The following KIF5A variants were observed in gnomAD, a reference collection of about 807,000 sequenced individuals.
KIF5A encodes kinesin family member 5A.
KIF5A carries 35 observed loss-of-function variants against 141.3 expected under a neutral mutation model. The observed-to-expected ratio is 0.25, with a 90% CI of 0.19 to 0.33. The LOEUF (loss-of-function observed/expected upper bound fraction) is 0.33. Among genes scored for constraint, KIF5A ranks in the 10% least tolerant of loss-of-function variants. KIF5A has a pLI of 1.00. For missense variants in KIF5A, 861 were observed against 1,314.3 expected (o/e 0.66, Z 5.33); for synonymous variants, 448 against 500.2 (o/e 0.90, Z 1.39).
In KIF5A at chr12:57,576,108, T is replaced by C. The variant is rs1882415681; in HGVS notation, c.2045T>C (p.Leu682Pro). 1 of 1,614,164 alleles carries C rather than the reference T, an allele frequency of 6.2e-7. No individual in the cohort carries two copies. The highest frequency in any genetic ancestry group is 8.5e-7 in the Non-Finnish European group (1 of 1,180,016). Reference protein sequence around the residue: ...QAQETVHEVALKDKEPDTQDA... With the variant: ...QAQETVHEVAPKDKEPDTQDA... ...TTAGAAACTGTGCATGAAGTGGCCC[T>C]GAAGGACAAGGAGCCTGACACTCAG... The change falls in exon 18 of 29, where the codon CTG becomes CCG. Residue 682 changes from leucine to proline, a missense_variant. This residue lies in a region of KIF5A where 482 missense variants were observed against 661.3 expected (regional missense o/e 0.73). Transcript: ENST00000455537.
Position 57,572,589 on chromosome 12 carries a change from C to T in KIF5A, c.1579C>T (p.Leu527=). 1 of 1,614,248 alleles carries T rather than the reference C, an allele frequency of 6.2e-7. No homozygotes were observed. The highest frequency in any genetic ancestry group is 1.1e-5 in the South Asian group (1 of 91,088). Residue 527 remains leucine (L), a synonymous_variant, in exon 15 of 29, where the codon CTG becomes TTG. Transcript: ENST00000455537. This position sits in a 1 kb window ranked among gnomAD's most constrained non-coding sequence, Gnocchi z 4.2. ...GAGGGGCTGTCCCCAGGCCACCATG[C>T]TGTCCCTGGAGTCTGAGTTGCAGCG... is the stretch of plus-strand genomic sequence containing the variant. ...DELSQKVATM[L]SLESELQRLQ... is the part of the protein sequence containing the mutation.
intron 26 of KIF5A, among the ~76,000 whole-genome samples, chr12:57,582,280 AG>A (rs767406448): frequency 6.6e-6 from 1 of 152,128 alleles, no homozygotes; most frequent in Non-Finnish European, 1.5e-5. Context: ...ACACATATGA[AG>A]AAAAAAGTGA....
Position 57,569,421 on chromosome 12 carries a change from C to T in KIF5A, c.968+17C>T. The T allele has an allele frequency of 6.2e-7, 1 of 1,613,918 alleles. No homozygotes were observed. Among genetic ancestry groups the T allele is most frequent in the Non-Finnish European group, 8.5e-7 (1 of 1,179,970 alleles). ...TGGGCAGCGGTCAGTGGCAGGGTCC[C>T]CAGAGGGATCCCTGGTACCCAGCTT... On this transcript the variant is annotated intron_variant, in intron 10 of 28. Coordinates refer to ENST00000455537, the MANE Select transcript of KIF5A (RefSeq NM_004984.4).
rs370644634 is a variant in KIF5A, at chr12:57,575,666, G to A, written c.1932G>A (p.Thr644=). ...SQHEAKIRSL[T]EYMQSVELKK... ...ATGAGGCCAAGATCCGCTCGCTTAC[G>A]GAATACATGCAGAGCGTGGAGCTAA... The change falls in exon 17 of 29, where the codon ACG becomes ACA. Residue 644 remains threonine, a synonymous_variant. Transcript: ENST00000455537. 63 of 1,614,010 alleles carry A rather than the reference G, an allele frequency of 3.9e-5. 1 individual carries two copies. Among genetic ancestry groups the A allele is most frequent in the East Asian group, 2.9e-4 (13 of 44,894 alleles).
At position 57,550,749 on chromosome 12, in the gene KIF5A, C is replaced by A. The variant is rs527519747; in HGVS notation, c.129+349C>A. Among the ~76,000 whole-genome samples, 10 of 152,334 alleles carry A rather than the reference C, an allele frequency of 6.6e-5. No homozygotes were observed. The East Asian group carries it at 1.9e-3, about 29-fold the overall frequency. On this transcript the variant is annotated intron_variant, in intron 1 of 28. Transcript: ENST00000455537. The surrounding 1 kb of genome is among the most constrained non-coding windows in gnomAD (Gnocchi z 4.6). ...CGCTCCCCAAGAGAAAGCGCATCTT[C>A]CCTTTGTTATTGGCTCAGATCTCTA...
In KIF5A at chr12:57,584,630, C is replaced by T. The variant is rs1293182616; in HGVS notation, c.*449C>T. 8 of 152,576 alleles carry T rather than the reference C, an allele frequency of 5.2e-5. No homozygotes were observed. The East Asian group carries it at 9.6e-4, about 18-fold the overall frequency. 9.5% of individuals were successfully genotyped at this position (152,576 alleles called of 1,614,324 possible). On this transcript the variant is annotated 3_prime_UTR_variant, in exon 29 of 29. Transcript: ENST00000455537. ...ACGCACGCACACAAACATGCACACA[C>T]GCATGCACACACACAAAGCCTTAAG...
At chr12:57,582,151 G>T (rs566898131) in intron 26 of KIF5A, among the ~76,000 whole-genome samples, 199 bp downstream of exon 26, 2 of 152,176 alleles carry the variant, frequency 1.3e-5, no homozygotes, top group African/African-American at 2.4e-5. Context: ...GGTTGAGATA[G>T]GAGGATTGCT....
At chr12:57,575,578 G>T in intron 16 of KIF5A, 62 bp from the exon 17 acceptor site, 1 of 1,350,270 alleles carries the variant, frequency 7.4e-7, no homozygotes, top group Non-Finnish European at 1.1e-6. Context: ...TTGGAGATCT[G>T]TGTGGCCTGG....
At chr12:57,576,887 A>G (rs767192457) in intron 20 of KIF5A, 25 bp downstream of exon 20, 1 of 1,550,886 alleles carries the variant, frequency 6.4e-7, no homozygotes, top group South Asian at 1.1e-5. Flanking sequence ...TTTACCTGTA[A>G]AACTACAGCC....
At chr12:57,583,310 T>TTA (rs1882663769) in intron 28 of KIF5A, 95 bp downstream of exon 28, 1 of 727,368 alleles carries the variant, frequency 1.4e-6, no homozygotes, top group Non-Finnish European at 2.4e-6. Flanking sequence ...TTTTTTTTTT[T>TTA]ATCACCTCAA....
At position 57,569,619 on chromosome 12, in the gene KIF5A, G is replaced by C; in HGVS notation, c.1053G>C (p.Glu351Asp). Reference protein sequence around the residue: ...QWKKKYEKEKEKTKAQKETIA... With the variant: ...QWKKKYEKEKDKTKAQKETIA... Reference sequence around the variant, plus strand: ...AGAAGAAATATGAGAAGGAGAAGGAGAAGACAAAGGCCCAGAAGGAGACGA... The same window carrying C: ...AGAAGAAATATGAGAAGGAGAAGGACAAGACAAAGGCCCAGAAGGAGACGA... The change falls in exon 11 of 29, where the codon GAG (glutamate) becomes GAC (aspartate). Residue 351 changes from glutamate to aspartate, a missense_variant. Physicochemically the swap from Glu to Asp is conservative, Grantham distance 45. Coordinates refer to ENST00000455537, the MANE Select transcript of KIF5A (RefSeq NM_004984.4). The C allele has an allele frequency of 6.2e-7, 1 of 1,614,160 alleles. No homozygotes were observed. Among genetic ancestry groups the C allele is most frequent in the African/African-American group, 1.3e-5 (1 of 75,072 alleles).
Position 57,569,472 on chromosome 12 carries a change from C to T in KIF5A, c.969-63C>T. 1.3e-5 allele frequency: 21 copies of T among 1,613,410 alleles called. No homozygotes were observed. The South Asian group carries it at 2.3e-4, about 18-fold the overall frequency. On this transcript the variant is annotated intron_variant, in intron 10 of 28. Transcript: ENST00000455537. ...CCCATCCCAGCCTCTGCGGCTCTCT[C>T]TCCTCAGGGTCACCCAAGTCTCATG...
At position 57,572,321 on chromosome 12, in the gene KIF5A, G is replaced by A. The variant is rs1368363242; in HGVS notation, c.1569+54G>A. On this transcript the variant is annotated intron_variant, in intron 14 of 28. Coordinates refer to ENST00000455537, the MANE Select transcript of KIF5A (RefSeq NM_004984.4). The surrounding 1 kb of genome is among the most constrained non-coding windows in gnomAD (Gnocchi z 4.2). The stretch of plus-strand genomic sequence containing the variant: ...TCCCTGACCACAGAACATCTCCCAT[G>A]TCGAGGGGACCTCTGCATCCTTCCA... The A allele has an allele frequency of 3.3e-6, 5 of 1,526,666 alleles. No individual in the cohort carries two copies. The East Asian group carries it at 7.3e-5, about 22-fold the overall frequency. The allele number at this position is 1,526,666 out of a possible 1,614,324, so 94.6% of individuals were successfully genotyped here.
chr12:57,566,471 C>G (rs1035378278), intron 6 of KIF5A, among the ~76,000 whole-genome samples: 3 of 151,088 alleles, frequency 2.0e-5, no homozygotes, highest in African/African-American at 7.3e-5. Flanking sequence ...TACAGTGGCG[C>G]CCGATCTTGG....
rs1882694279 is a variant in KIF5A, at chr12:57,584,327, TCTTA to T, written c.*153_*156del. On this transcript the variant is annotated 3_prime_UTR_variant, in exon 29 of 29. Coordinates refer to ENST00000455537, the MANE Select transcript of KIF5A (RefSeq NM_004984.4). ...GGACTGTACTATGTTTGATGTCTTC[TCTTA>T]CTTACTCTGTATCTCTTTGTACTCT... 2 of 152,670 alleles carry T rather than the reference TCTTA, an allele frequency of 1.3e-5. No individual in the cohort carries two copies. Among genetic ancestry groups the T allele is most frequent in the East Asian group, 1.9e-4 (1 of 5,198 alleles). 9.5% of individuals were successfully genotyped at this position (152,670 alleles called of 1,614,324 possible).
rs373088978 is a variant in KIF5A, at chr12:57,578,213, C to A, written c.2434-25C>A. 38 of 1,599,872 alleles carry A rather than the reference C, an allele frequency of 2.4e-5. No individual in the cohort carries two copies. In the African/African-American group the frequency reaches 4.7e-4, roughly 20 times the overall value. ...GACCTGTTTGGCCTCAGGACAGCCA[C>A]GTCTTTCCTTCTATCTGTTCTCAGA... is the stretch of plus-strand genomic sequence containing the variant. On this transcript the variant is annotated intron_variant, in intron 22 of 28. Transcript: ENST00000455537.
chr12:57,569,792 G>A, intron 11 of KIF5A, 109 bp downstream of exon 11: 1 of 1,521,914 alleles, frequency 6.6e-7, no homozygotes, highest in Non-Finnish European at 8.9e-7. Flanking sequence ...CCTAGAAGAG[G>A]GGCTGTGTTT....
Position 57,585,593 on chromosome 12 carries a change from C to A in KIF5A, c.*1412C>A, listed in dbSNP as rs1170068317. 6.5e-6 allele frequency: 1 copy of A among 154,100 alleles called. No homozygotes were observed. The highest frequency in any genetic ancestry group is 1.9e-4 in the East Asian group (1 of 5,198). The allele number at this position is 154,100 out of a possible 1,614,324, so 9.5% of individuals were successfully genotyped here. A position where few individuals can be genotyped will look rare whatever the true frequency, so the allele number is the denominator to read the frequency against. ...AGAGAAAGTCTGGTGTCCTGATATC[C>A]AGTCTTTTCTAGGAGGAAGACCAAG... On this transcript the variant is annotated 3_prime_UTR_variant, in exon 29 of 29. Transcript: ENST00000455537.
chr12:57,582,321 G>C (rs1055117798), intron 26 of KIF5A, among the ~76,000 whole-genome samples: 8 of 152,092 alleles, frequency 5.3e-5, no homozygotes, highest in Non-Finnish European at 8.8e-5. Context: ...GCACTGCCCA[G>C]CCCTTTAGGT....
Sources: gnomAD v4.1 joint callset for allele counts (sites outside exome capture counted in the v4.1 genomes callset) on GRCh38, gnomAD v4.1.1 for gene constraint, gnomAD v4.1.1 regional missense constraint, Gnocchi (gnomAD v3.1) non-coding constraint, MANE v1.5 for transcripts, NCBI Gene and HGNC (gene_info 2026-07-23, HGNC 2026-07-21) for gene names.